Variants in NAV3 observed in about 807,000 individuals in gnomAD.
NAV3 encodes the protein pore membrane and/or filament interacting like protein 1.
A neutral mutation model predicts 244.7 loss-of-function variants in NAV3; 87 were observed. The ratio of observed to expected loss-of-function variants is 0.36; its 90% CI spans 0.30 to 0.42. The LOEUF is 0.42. NAV3 is among the 20% of genes least tolerant of loss of function. The probability of loss-of-function intolerance (pLI) is 1.00; values close to 1 mark genes in which losing one functional copy is unlikely to be tolerated. For synonymous variants in NAV3, 1,126 were observed against 1,042.2 expected, an observed-to-expected ratio of 1.08 and a Z score of -1.55; for missense variants, 2,663 against 2,893.3, an observed-to-expected ratio of 0.92 and a Z score of 1.83.
chr12:77,762,333 C>A (rs1455913237), intron 2 of NAV3, among the ~76,000 whole-genome samples: 1 of 152,070 alleles, frequency 6.6e-6, no homozygotes, highest in Non-Finnish European at 1.5e-5. Flanking sequence ...ATATAGATGA[C>A]AGGTGGATGG....
intron 1 of NAV3, among the ~76,000 whole-genome samples, chr12:77,849,154 T>C (rs1877098749): frequency 6.6e-6 from 1 of 152,220 alleles, no homozygotes; most frequent in Non-Finnish European, 1.5e-5. Context: ...ATTAAATTTC[T>C]TTAAACTTTC....
At chr12:78,172,006 A>G (rs927471596) in intron 24 of NAV3, among the ~76,000 whole-genome samples, 4 of 151,632 alleles carry the variant, frequency 2.6e-5, no homozygotes, top group African/African-American at 9.7e-5. Flanking sequence ...AACACCTGCT[A>G]TTAAGTATAG....
chr12:77,748,992 A>G (rs1306497261), intron 2 of NAV3, among the ~76,000 whole-genome samples: 1 of 152,226 alleles, frequency 6.6e-6, no homozygotes, highest in East Asian at 1.9e-4. Context: ...AATGTATACA[A>G]TTTTATTTGT....
At chr12:77,643,382 G>T (rs1872500176) in intron 2 of NAV3, among the ~76,000 whole-genome samples, 1 of 151,658 alleles carries the variant, frequency 6.6e-6, no homozygotes. Context: ...TGTGGAGCAG[G>T]ACATATTTAC....
upstream of NAV3, among the ~76,000 whole-genome samples, chr12:77,829,716 T>C (rs915620752): frequency 2.0e-5 from 3 of 152,196 alleles, no homozygotes; most frequent in Admixed American, 6.5e-5. Flanking sequence ...CCTGCAAGAC[T>C]TCTAACTTAC....
chr12:77,760,074 G>C (rs898964366), intron 2 of NAV3, among the ~76,000 whole-genome samples: 3 of 152,188 alleles, frequency 2.0e-5, no homozygotes, highest in Non-Finnish European at 4.4e-5. Flanking sequence ...AACATTGTGA[G>C]CACCAGAATG....
At position 78,098,328 on chromosome 12, in the gene NAV3, A is replaced by G. The variant is rs1253076598; in HGVS notation, c.2637-18444A>G. ...ATTTTAAGTTGTAGGCTGTCTTTAA[A>G]AATAATCTCTCCACACACTGTAGTA... On this transcript the variant is annotated intron_variant, in intron 12 of 39. Transcript: ENST00000397909. Among the ~76,000 whole-genome samples, 5 of 152,032 alleles carry G rather than the reference A, an allele frequency of 3.3e-5. No homozygotes were observed. The East Asian group carries it at 5.8e-4, about 18-fold the overall frequency.
chr12:77,944,776 G>GAGTGTTGAGAGAGTGAGACT (rs1890175850), intron 3 of NAV3, among the ~76,000 whole-genome samples: 1 of 152,288 alleles, frequency 6.6e-6, no homozygotes, highest in East Asian at 1.9e-4. Flanking sequence ...GAAAGGGAAA[G>GAGTGTTGAGAGAGTGAGACT]AGTGTTGAGA....
rs376491041 is a variant in NAV3, at chr12:78,007,243, A to C, written c.1705A>C (p.Ile569Leu). The change falls in exon 8 of 40, where the codon ATA becomes CTA. Residue 569 changes from isoleucine (I) to leucine (L), a missense_variant. Physicochemically the swap from Ile to Leu is conservative, Grantham distance 5 (BLOSUM62 2). Around this residue, in one of 6 missense-constraint regions of NAV3, gnomAD observed 1,521 missense variants for 1,497.0 expected, o/e 1.02. Coordinates refer to ENST00000397909, the MANE Select transcript of NAV3 (RefSeq NM_001024383.2). ...CCCTTCCCAGTCCTTATCTAAGCCT[A>C]TAACCATGGAGAAAGCAAGTGCTTC... ...GSPSQSLSKP[I>L]TMEKASASSC... The C allele has an allele frequency of 6.2e-7, 1 of 1,614,210 alleles. No individual in the cohort carries two copies. The highest frequency in any genetic ancestry group is 8.5e-7 in the Non-Finnish European group (1 of 1,180,030).
chr12:77,882,038 C>T (rs1283676184), intron 1 of NAV3, among the ~76,000 whole-genome samples: 1 of 152,082 alleles, frequency 6.6e-6, no homozygotes, highest in Non-Finnish European at 1.5e-5. Context: ...TCCTATCAGA[C>T]TACGAATGGA....
intron 17 of NAV3, among the ~76,000 whole-genome samples, chr12:78,127,846 A>AAC (rs199905890): frequency 0.094 from 8,081 of 85,580 alleles, 269 homozygotes; most frequent in Admixed American, 0.13. Context: ...GAATTAATCT[A>AAC]ATATTTAATA....
intron 2 of NAV3, among the ~76,000 whole-genome samples, chr12:77,771,032 T>G (rs1291785297): frequency 6.6e-6 from 1 of 151,930 alleles, no homozygotes; most frequent in Non-Finnish European, 1.5e-5. Context: ...AGGGCTAATA[T>G]CCAGAATCTA....
intron 1 of NAV3, among the ~76,000 whole-genome samples, chr12:77,912,019 A>G: frequency 6.6e-6 from 1 of 152,102 alleles, no homozygotes; most frequent in East Asian, 1.9e-4. Context: ...TCACCAAGTT[A>G]AAAAGGAATG....
chr12:77,630,013 T>C (rs1293109628), intron 2 of NAV3, among the ~76,000 whole-genome samples: 1 of 152,158 alleles, frequency 6.6e-6, no homozygotes, highest in African/African-American at 2.4e-5. Flanking sequence ...TGGCAACAAT[T>C]GTTACAGAGT....
intron 8 of NAV3, among the ~76,000 whole-genome samples, chr12:78,009,445 C>CAAAAAAAAAA (rs35722033): frequency 7.9e-4 from 55 of 69,894 alleles, no homozygotes; most frequent in Non-Finnish European, 8.6e-4. Flanking sequence ...GAGGGAAACT[C>CAAAAAAAAAA]AAAAAAAAAA....
intron 2 of NAV3, among the ~76,000 whole-genome samples, chr12:77,607,961 G>A (rs1409946933): frequency 1.3e-5 from 2 of 152,072 alleles, no homozygotes; most frequent in African/African-American, 4.8e-5. Flanking sequence ...TTTGTACAAA[G>A]GTGGTTGAAC....
At chr12:78,140,253 A>G (rs751991841) in intron 19 of NAV3, 29 bp from the exon 20 acceptor site, 1 of 1,602,610 alleles carries the variant, frequency 6.2e-7, no homozygotes, top group East Asian at 2.2e-5. Flanking sequence ...TTATTGTTTT[A>G]ACTCTATTGT....
chr12:78,071,615 A>G (rs537001321), intron 12 of NAV3, among the ~76,000 whole-genome samples: 3 of 152,094 alleles, frequency 2.0e-5, no homozygotes, highest in Non-Finnish European at 4.4e-5. Context: ...TGTTTCAGAC[A>G]TGACGTCTTT....
chr12:78,009,662 C>G (rs1461975340), intron 8 of NAV3, among the ~76,000 whole-genome samples: 3 of 151,866 alleles, frequency 2.0e-5, no homozygotes, highest in African/African-American at 7.3e-5. Flanking sequence ...TAGAAGCTAC[C>G]TCATTAGCCT....
Sources: allele counts gnomAD v4.1 joint callset (sites outside exome capture counted in the v4.1 genomes callset), GRCh38; gene constraint gnomAD v4.1.1; regional missense constraint gnomAD v4.1.1; transcripts MANE v1.5; gene names NCBI Gene and HGNC (gene_info 2026-07-23, HGNC 2026-07-21).